TRPM6: variants seen among roughly 807,000 people sequenced by gnomAD.
TRPM6 encodes the protein channel kinase 2.
In TRPM6, 111 loss-of-function variants were observed where a neutral mutation model predicts 247.6. The ratio of observed to expected loss-of-function variants is 0.45; its 90% confidence interval spans 0.38 to 0.52. The LOEUF is 0.52. Ranked by LOEUF, TRPM6 falls within the 20% of genes least tolerant of loss-of-function variation. The pLI is 0.00. For missense variants in TRPM6, 2,126 were observed against 2,421.5 expected, an observed-to-expected ratio of 0.88 and a Z score of 2.56; for synonymous variants, 892 against 853.8, an observed-to-expected ratio of 1.04 and a Z score of -0.78.
rs1825182716 is a variant in TRPM6, at chr9:74,722,699, TA to T, written c.*1913del. On this transcript the variant is annotated 3_prime_UTR_variant, in exon 39 of 39. Coordinates refer to ENST00000360774, the MANE Select transcript of TRPM6 (RefSeq NM_017662.5). ...AGTTGTTAAGTCCCCAAAAAAGTAT[TA>T]ACATTTTATCCTCATTGCCAATCAA... is the stretch of plus-strand genomic sequence containing the variant. 6.6e-6 allele frequency: 1 copy of T among 152,176 alleles called. No individual in the cohort carries two copies. Among genetic ancestry groups the T allele is most frequent in the Non-Finnish European group, 1.5e-5 (1 of 68,046 alleles). The allele number at this position is 152,176 out of a possible 1,614,324, so 9.4% of individuals were successfully genotyped here. A position where few individuals can be genotyped will look rare whatever the true frequency, so the allele number is the denominator to read the frequency against.
intron 38 of TRPM6, 100 bp downstream of exon 38, chr9:74,728,139 G>T: frequency 1.0e-6 from 1 of 960,258 alleles, no homozygotes. Flanking sequence ...CGGTGAATGA[G>T]ATAAAAATGT....
rs568054824 is a variant in TRPM6, at chr9:74,785,957, T to A, written c.2836A>T (p.Ile946Phe). The A allele has an allele frequency of 1.2e-6, 2 of 1,614,240 alleles. No individual in the cohort carries two copies. The highest frequency in any genetic ancestry group is 1.7e-5 in the Admixed American group (1 of 60,022). Residue 946 changes from isoleucine (I) to phenylalanine (F), a missense_variant, in exon 21 of 39, where the codon ATC becomes TTC. Transcript: ENST00000360774. ...TAGRLIYCID[I>F]IFWFSRLLDF... ...AGGAGCCGTGAGAACCAGAATATGA[T>A]GTCTATGCAGTAGATCAGTCTTCCC... is the stretch of plus-strand genomic sequence containing the variant.
Position 74,827,829 on chromosome 9 carries a change from T to C in TRPM6, c.790A>G (p.Lys264Glu). ...TACTTCTCCAGGTTCCTTCTGAGCT[T>C]CATTTCATTTCCATACTTGCCCACG... Reference protein sequence around the residue: ...GTVGKYGNEMKLRRNLEKYLS... With the variant: ...GTVGKYGNEMELRRNLEKYLS... Residue 264 changes from lysine to glutamate, a missense_variant, in exon 7 of 39, where the codon AAG (lysine) becomes GAG (glutamate). Physicochemically the swap from Lys to Glu is moderately conservative, Grantham distance 56. Around this residue, in one of 3 missense-constraint regions of TRPM6, gnomAD observed 1,082 missense variants for 1,307.9 expected, o/e 0.83. Coordinates refer to ENST00000360774, the MANE Select transcript of TRPM6 (RefSeq NM_017662.5). 1 of 1,614,130 alleles carries C rather than the reference T, an allele frequency of 6.2e-7. No individual in the cohort carries two copies. The highest frequency in any genetic ancestry group is 8.5e-7 in the Non-Finnish European group (1 of 1,180,026).
chr9:74,792,951 G>A (rs1382441594), intron 18 of TRPM6, among the ~76,000 whole-genome samples, 181 bp from the exon 19 acceptor site: 1 of 152,144 alleles, frequency 6.6e-6, no homozygotes, highest in Non-Finnish European at 1.5e-5. Context: ...GAGGTCAGGA[G>A]TTCGAGACCA....
At chr9:74,834,212 C>CA in intron 5 of TRPM6, 90 bp from the exon 6 acceptor site, 1 of 1,493,564 alleles carries the variant, frequency 6.7e-7, no homozygotes, top group Non-Finnish European at 9.3e-7. Context: ...AATAGGCAAG[C>CA]ATATGCAAGG....
rs995071699 is a variant in TRPM6, at chr9:74,740,142, G to C, written c.5201-133C>G. ...AGGAGAATGGGACTAGCAGGGAACA[G>C]AACAGAATAAGGACATGTATCAGGC... On this transcript the variant is annotated intron_variant, in intron 33 of 38. Coordinates refer to ENST00000360774, the MANE Select transcript of TRPM6 (RefSeq NM_017662.5). 4 of 998,636 alleles carry C rather than the reference G, an allele frequency of 4.0e-6. No individual in the cohort carries two copies. In the African/African-American group the frequency reaches 4.8e-5, roughly 12 times the overall value. 61.9% of individuals were successfully genotyped at this position (998,636 alleles called of 1,614,324 possible).
chr9:74,767,674 A>G (rs896091655), intron 25 of TRPM6, among the ~76,000 whole-genome samples: 6 of 152,280 alleles, frequency 3.9e-5, no homozygotes, highest in Admixed American at 2.6e-4. Flanking sequence ...TTGAAGTTTA[A>G]TTAGAGCTGC....
intron 7 of TRPM6, among the ~76,000 whole-genome samples, chr9:74,822,869 A>T (rs1829180260): frequency 6.6e-6 from 1 of 152,138 alleles, no homozygotes; most frequent in Non-Finnish European, 1.5e-5. Flanking sequence ...TACATATTTT[A>T]TATGTATATA....
At chr9:74,766,793 C>A (rs1826841439) in intron 25 of TRPM6, among the ~76,000 whole-genome samples, 1 of 152,042 alleles carries the variant, frequency 6.6e-6, no homozygotes, top group Admixed American at 6.5e-5. Flanking sequence ...ACCTGTAATC[C>A]CAGCTACTGG....
chr9:74,837,998 C>A (rs1829789093), intron 5 of TRPM6, among the ~76,000 whole-genome samples: 1 of 152,132 alleles, frequency 6.6e-6, no homozygotes, highest in Non-Finnish European at 1.5e-5. Flanking sequence ...ATTCACCAGC[C>A]CTCAGCTTCC....
Position 74,762,681 on chromosome 9 carries a change from C to A in TRPM6, c.3990G>T (p.Gly1330=). The A allele has an allele frequency of 1.2e-6, 2 of 1,614,064 alleles. No individual in the cohort carries two copies. The highest frequency in any genetic ancestry group is 1.7e-6 in the Non-Finnish European group (2 of 1,180,006). The change falls in exon 26 of 39, where the codon GGG becomes GGT. Residue 1330 remains glycine (G), a synonymous_variant. Coordinates refer to ENST00000360774, the MANE Select transcript of TRPM6 (RefSeq NM_017662.5). ...QETQSSIVVS[G]VSPNRQAHSK... ...AGTGTGCTTGCCTGTTAGGAGACAC[C>A]CCAGAAACCACTATACTACTTTGTG...
intron 5 of TRPM6, among the ~76,000 whole-genome samples, 191 bp downstream of exon 5, chr9:74,839,833 A>G (rs1829856016): frequency 7.1e-6 from 1 of 141,222 alleles, no homozygotes; most frequent in East Asian, 2.3e-4. Flanking sequence ...GTTAGAAAGA[A>G]AAAAGAAAAA....
chr9:74,785,191 C>G (rs551473598), intron 21 of TRPM6, among the ~76,000 whole-genome samples: 2 of 152,086 alleles, frequency 1.3e-5, no homozygotes, highest in Non-Finnish European at 2.9e-5. Context: ...AGAAGCCAGG[C>G]GTGATGGTGC....
At chr9:74,778,451 A>G (rs1053620740) in intron 23 of TRPM6, among the ~76,000 whole-genome samples, 8 of 152,244 alleles carry the variant, frequency 5.3e-5, no homozygotes, top group African/African-American at 1.9e-4. Flanking sequence ...TCCCAGTGCC[A>G]TGTTGGCTCA....
At chr9:74,842,574 G>T (rs540303967) in intron 3 of TRPM6, among the ~76,000 whole-genome samples, 4 of 152,238 alleles carry the variant, frequency 2.6e-5, no homozygotes, top group Admixed American at 2.6e-4. Flanking sequence ...TTTCTTTAAA[G>T]GCAGGAATAC....
intron 36 of TRPM6, among the ~76,000 whole-genome samples, chr9:74,736,024 G>A (rs1249035679): frequency 6.6e-6 from 1 of 152,150 alleles, no homozygotes; most frequent in African/African-American, 2.4e-5. Context: ...GCACCAACAG[G>A]ACCACACAGC....
rs1825403189 is a variant in TRPM6, at chr9:74,728,327, A to G, written c.5847T>C (p.Phe1949=). The part of the protein sequence containing the change: ...PEVKQSRGMV[F]GPANLGEDAI... The stretch of plus-strand genomic sequence containing the variant: ...CATCTTCCCCCAAATTGGCCGGTCC[A>G]AACACCATTCCTCTTGATCTAGAGG... The change falls in exon 38 of 39, where the codon TTT becomes TTC. Residue 1949 remains phenylalanine (F), a synonymous_variant. Transcript: ENST00000360774. 6.2e-7 allele frequency: 1 copy of G among 1,613,084 alleles called. No individual in the cohort carries two copies. Among genetic ancestry groups the G allele is most frequent in the East Asian group, 2.2e-5 (1 of 44,872 alleles).
intron 24 of TRPM6, among the ~76,000 whole-genome samples, chr9:74,774,529 A>G (rs898111174): frequency 6.6e-6 from 1 of 152,190 alleles, no homozygotes; most frequent in Non-Finnish European, 1.5e-5. Flanking sequence ...AAAATACTTC[A>G]CAGAGTCACC....
intron 24 of TRPM6, among the ~76,000 whole-genome samples, chr9:74,774,358 T>G (rs1019421720): frequency 6.6e-6 from 1 of 152,216 alleles, no homozygotes; most frequent in Non-Finnish European, 1.5e-5. Flanking sequence ...AGCCAAAGCC[T>G]GGGACGTCTC....
Sources: allele counts gnomAD v4.1 joint callset (sites outside exome capture counted in the v4.1 genomes callset), GRCh38; gene constraint gnomAD v4.1.1; regional missense constraint gnomAD v4.1.1; transcripts MANE v1.5; gene names NCBI Gene and HGNC (gene_info 2026-07-23, HGNC 2026-07-21).